Variants in TCF25 observed in about 807,000 individuals in gnomAD.
TCF25 encodes the protein ribosome quality control complex subunit TCF25.
TCF25 carries 41 observed loss-of-function variants against 83.1 expected under a neutral mutation model. The ratio of observed to expected loss-of-function variants is 0.49; its 90% CI spans 0.38 to 0.64. The LOEUF is 0.64. Among genes scored for constraint, TCF25 ranks in the 30% least tolerant of loss-of-function variants. The pLI, the probability that TCF25 is intolerant of heterozygous loss-of-function variation, is 0.00. For synonymous variants in TCF25, 458 were observed against 365.0 expected, an observed-to-expected ratio of 1.25 and a Z score of -2.90; for missense variants, 979 against 914.5, an observed-to-expected ratio of 1.07 and a Z score of -0.91.
In TCF25 at chr16:89,885,831, T is replaced by G. The variant is rs746073595; in HGVS notation, c.430-17T>G. 2.5e-6 allele frequency: 4 copies of G among 1,585,726 alleles called. No homozygotes were observed. The African/African-American group carries it at 5.4e-5, about 21-fold the overall frequency. On this transcript the variant is annotated splice_polypyrimidine_tract_variant and intron_variant, in intron 3 of 17. Coordinates refer to ENST00000263346, the MANE Select transcript of TCF25 (RefSeq NM_014972.3). ...AATGTCAGTGTGGTGATTAAGAGGT[T>G]GTTTTGGGGCTTTTAGGAAAACGGA...
chr16:89,889,431 C>T, intron 5 of TCF25: 1 of 244,622 alleles, frequency 4.1e-6, no homozygotes, highest in Non-Finnish European at 8.0e-6. Context: ...CCTCCCTCTA[C>T]CTCCTAAAGT....
At chr16:89,879,423 G>A (rs2143945995) in intron 1 of TCF25, among the ~76,000 whole-genome samples, 1 of 139,866 alleles carries the variant, frequency 7.1e-6, no homozygotes, top group African/African-American at 2.7e-5. Context: ...GTACACAGAT[G>A]GGCTTCGGGG....
At position 89,902,456 on chromosome 16, in the gene TCF25, G is replaced by A. The variant is rs1225529446; in HGVS notation, c.1381+1662G>A. ...TGTAATCCTAGCACTTTGGGAGGCC[G>A]AGGTGGGCGGATCACGAGGTCAGGA... On this transcript the variant is annotated intron_variant, in intron 12 of 17. Coordinates refer to ENST00000263346, the MANE Select transcript of TCF25 (RefSeq NM_014972.3). Among the ~76,000 whole-genome samples the A allele has an allele frequency of 2.5e-3, 278 of 111,630 alleles. 1 individual carries two copies. The highest frequency in any genetic ancestry group is 8.6e-3 in the African/African-American group (258 of 30,072). The allele number at this position is 111,630 out of a possible 152,430, so 73.2% of individuals were successfully genotyped here. A position where few individuals can be genotyped will look rare whatever the true frequency, so the allele number is the denominator to read the frequency against.
intron 16 of TCF25, among the ~76,000 whole-genome samples, chr16:89,908,628 TCCCACC>T (rs2045244141): frequency 8.9e-6 from 1 of 112,556 alleles, no homozygotes; most frequent in Non-Finnish European, 1.9e-5. Context: ...ACCTCCCAGC[TCCCACC>T]TCCCACCTCC....
intron 12 of TCF25, among the ~76,000 whole-genome samples, chr16:89,902,792 G>T (rs545663309): frequency 6.6e-6 from 1 of 152,138 alleles, no homozygotes; most frequent in Non-Finnish European, 1.5e-5. Context: ...GGCGGTGAGG[G>T]GTGAGGGTTA....
At position 89,883,135 on chromosome 16, in the gene TCF25, G is replaced by A. The variant is rs978728944; in HGVS notation, c.193-216G>A. 3.3e-5 allele frequency among the ~76,000 whole-genome samples: 5 copies of A among 151,430 alleles called. No homozygotes were observed. In the East Asian group the frequency reaches 5.9e-4, roughly 18 times the overall value. On this transcript the variant is annotated intron_variant, in intron 1 of 17. Transcript: ENST00000263346. ...AGATACCCCATAGCCTCGGGGCCCC[G>A]GCTTTCTGTAGAGCTGCTGACAAAG...
chr16:89,887,017 T>C lies in TCF25; in HGVS notation c.549-635T>C, dbSNP rs1025909032. Among the ~76,000 whole-genome samples, 10 of 152,274 alleles carry C rather than the reference T, an allele frequency of 6.6e-5. No homozygotes were observed. In the East Asian group the frequency reaches 1.5e-3, roughly 24 times the overall value. ...AGAGAACTTCTAGTTTTACTTCTTATGTATATTAGAGAGTTCCTTCTTTTT... is the reference window on the plus strand; with the variant it reads ...AGAGAACTTCTAGTTTTACTTCTTACGTATATTAGAGAGTTCCTTCTTTTT... On this transcript the variant is annotated intron_variant, in intron 4 of 17. Transcript: ENST00000263346.
At position 89,898,657 on chromosome 16, in the gene TCF25, T is replaced by C. The variant is rs749635748; in HGVS notation, c.1115+8T>C. ...CTGCAAGCTCATCCTGAGGTGAGTG[T>C]CTGCTCAGGGCCAAGCCCGTCCACG... On this transcript the variant is annotated splice_region_variant and intron_variant, in intron 10 of 17. Transcript: ENST00000263346. 6.2e-7 allele frequency: 1 copy of C among 1,612,708 alleles called. No individual in the cohort carries two copies. Among genetic ancestry groups the C allele is most frequent in the South Asian group, 1.1e-5 (1 of 91,088 alleles).
At chr16:89,886,458 T>C (rs149849759) in intron 4 of TCF25, among the ~76,000 whole-genome samples, 68 of 147,026 alleles carry the variant, frequency 4.6e-4, no homozygotes, top group South Asian at 1.5e-3. Flanking sequence ...AATATGAGTT[T>C]GTTATTACTC....
intron 7 of TCF25, 59 bp from the exon 8 acceptor site, chr16:89,894,979 C>A: frequency 6.7e-7 from 1 of 1,499,430 alleles, no homozygotes; most frequent in Non-Finnish European, 9.2e-7. Flanking sequence ...AAAAGGCATG[C>A]CTGGGAGCTG....
chr16:89,881,433 G>A (rs1036695269), intron 1 of TCF25, among the ~76,000 whole-genome samples: 1 of 152,078 alleles, frequency 6.6e-6, no homozygotes, highest in African/African-American at 2.4e-5. Flanking sequence ...GTTGATGCTG[G>A]TCTCTGTTAG....
In TCF25 at chr16:89,895,149, C is replaced by T. The variant is rs1383903508; in HGVS notation, c.928+12C>T. On this transcript the variant is annotated intron_variant, in intron 8 of 17. Transcript: ENST00000263346. ...TCGAGACCTCGTAGGTAAGGCAGAGCCCCCACCCCATTCCCCTCAGCTGTG... is the reference window on the plus strand; with the variant it reads ...TCGAGACCTCGTAGGTAAGGCAGAGTCCCCACCCCATTCCCCTCAGCTGTG... The T allele has an allele frequency of 8.7e-6, 14 of 1,609,292 alleles. No individual in the cohort carries two copies. The highest frequency in any genetic ancestry group is 1.3e-5 in the African/African-American group (1 of 74,818).
chr16:89,906,809 G>C (rs73265869), intron 15 of TCF25, among the ~76,000 whole-genome samples: 7,456 of 152,196 alleles, frequency 0.049, 626 homozygotes, highest in African/African-American at 0.17. Flanking sequence ...GGCATGGCTG[G>C]CTTTGTCTGG....
intron 8 of TCF25, 42 bp from the exon 9 acceptor site, chr16:89,895,948 G>T: frequency 6.4e-7 from 1 of 1,570,476 alleles, no homozygotes. Flanking sequence ...TGGTTGCTGT[G>T]TGTGGCCATG....
At chr16:89,874,352 A>G (rs1223900358) in intron 1 of TCF25, among the ~76,000 whole-genome samples, 1 of 145,758 alleles carries the variant, frequency 6.9e-6, no homozygotes, top group Non-Finnish European at 1.5e-5. Context: ...GCGGGGTTAA[A>G]TGAGGCCTGG....
chr16:89,877,756 A>G (rs1488548946), intron 1 of TCF25, among the ~76,000 whole-genome samples: 1 of 152,200 alleles, frequency 6.6e-6, no homozygotes, highest in Non-Finnish European at 1.5e-5. Context: ...ATGGAGGGAA[A>G]AAGGGAAGGT....
intron 15 of TCF25, among the ~76,000 whole-genome samples, chr16:89,906,935 G>A (rs1189472450): frequency 6.6e-6 from 1 of 152,056 alleles, no homozygotes; most frequent in Non-Finnish European, 1.5e-5. Flanking sequence ...TCTGACACGT[G>A]GTGAAGATGT....
rs772100257 is a variant in TCF25 at position 89,905,041 on chromosome 16, G to A, written c.1573G>A (p.Glu525Lys). 3.7e-6 allele frequency: 6 copies of A among 1,602,974 alleles called. No homozygotes were observed. Among genetic ancestry groups the A allele is most frequent in the African/African-American group, 2.7e-5 (2 of 74,740 alleles). Residue 525 changes from glutamate (E) to lysine (K), a missense_variant, in exon 14 of 18, where the codon GAG becomes AAG. Glu to Lys is a moderately conservative substitution (Grantham distance 56). Transcript: ENST00000263346. ...GAGCTGGCTGGAGGAGAACGTCCAC[G>A]AGGTTCTGCAAGCAGTGGACGCCGG... ...TMSWLEENVH[E>K]VLQAVDAGDP...
At chr16:89,878,606 TA>T in intron 1 of TCF25, 1 of 1,141,554 alleles carries the variant, frequency 8.8e-7, no homozygotes, top group Non-Finnish European at 1.1e-6. Flanking sequence ...ACCCTAAAAC[TA>T]ATGAAAATCA....
Sources: allele counts gnomAD v4.1 joint callset (sites outside exome capture counted in the v4.1 genomes callset), GRCh38; gene constraint gnomAD v4.1.1; transcripts MANE v1.5; gene names NCBI Gene and HGNC (gene_info 2026-07-23, HGNC 2026-07-21).